TVP23C: variants seen among roughly 807,000 people sequenced by gnomAD.
TVP23C encodes the protein Golgi apparatus membrane protein TVP23 homolog C.
A neutral mutation model predicts 28.7 loss-of-function variants in TVP23C; 19 were observed. The observed-to-expected ratio is 0.66, with a 90% confidence interval of 0.46 to 0.97. The LOEUF (loss-of-function observed/expected upper bound fraction) is 0.97. Ranked by LOEUF, TVP23C falls within the 50% of genes least tolerant of loss-of-function variation. The pLI is 0.00. For synonymous variants in TVP23C, 68 were observed against 81.7 expected (o/e 0.83, Z 0.90); for missense variants, 186 against 241.3 (o/e 0.77, Z 1.52).
rs1042211364 is a variant in TVP23C, at chr17:15,507,171, C to A, written c.463-3939G>T. On this transcript the variant is annotated intron_variant, in intron 5 of 5. Transcript: ENST00000225576. ...CATCTTGTCCATGGCAAATGCAGGA[C>A]CCGATACAAACGGTTCCTAATTTTT... 4 of 755,804 alleles carry A rather than the reference C, an allele frequency of 5.3e-6. No individual in the cohort carries two copies. The African/African-American group carries it at 6.9e-5, about 13-fold the overall frequency. The allele number at this position is 755,804 out of a possible 1,614,324, so 46.8% of individuals were successfully genotyped here.
At chr17:15,508,999 T>A (rs1981890607) in intron 5 of TVP23C, among the ~76,000 whole-genome samples, 1 of 152,220 alleles carries the variant, frequency 6.6e-6, no homozygotes, top group Non-Finnish European at 1.5e-5. Context: ...TTTTGGGGTA[T>A]GTTTTAGATT....
At chr17:15,525,744 A>C (rs1323903701) in intron 5 of TVP23C, among the ~76,000 whole-genome samples, 1 of 152,200 alleles carries the variant, frequency 6.6e-6, no homozygotes, top group African/African-American at 2.4e-5. Context: ...AGACCCACAT[A>C]CAAAGGTGGT....
rs182885802 is a variant in TVP23C, at chr17:15,526,746, A to G, written c.462+19039T>C. On this transcript the variant is annotated intron_variant, in intron 5 of 5. Transcript: ENST00000225576. ...GGACCAAGTGCAAGCTACAAGCAAG[A>G]GAGAACTGGGGCTTGGGGAGAAAGG... Among the ~76,000 whole-genome samples, 920 of 152,334 alleles carry G rather than the reference A, an allele frequency of 6.0e-3. 8 individuals carry two copies. Among genetic ancestry groups the G allele is most frequent in the Non-Finnish European group, 8.5e-3 (575 of 68,020 alleles).
At chr17:15,530,464 T>C (rs1249299056) in intron 5 of TVP23C, among the ~76,000 whole-genome samples, 2 of 152,224 alleles carry the variant, frequency 1.3e-5, no homozygotes, top group African/African-American at 2.4e-5. Context: ...ATCATACAAA[T>C]TGCATCTTTT....
At chr17:15,542,607 A>G (rs150269286) in intron 5 of TVP23C, among the ~76,000 whole-genome samples, 2,818 of 152,030 alleles carry the variant, frequency 0.019, 86 homozygotes, top group African/African-American at 0.063. Context: ...CTCCCGAGTA[A>G]CTGGGACTAC....
At chr17:15,506,082 C>T (rs1474542546) in intron 5 of TVP23C, among the ~76,000 whole-genome samples, 1 of 152,258 alleles carries the variant, frequency 6.6e-6, no homozygotes, top group Non-Finnish European at 1.5e-5. Context: ...GAGCGCACGG[C>T]GCAGGACTGG....
At chr17:15,521,118 T>A (rs551228652) in intron 5 of TVP23C, among the ~76,000 whole-genome samples, 1 of 152,020 alleles carries the variant, frequency 6.6e-6, no homozygotes, top group South Asian at 2.1e-4. Context: ...ATTACAAAGA[T>A]GAGAATTCCC....
intron 3 of TVP23C, among the ~76,000 whole-genome samples, chr17:15,548,832 T>C (rs1216460214): frequency 6.6e-6 from 1 of 152,224 alleles, no homozygotes; most frequent in Non-Finnish European, 1.5e-5. Flanking sequence ...ATACCTATGA[T>C]AATGCTTAAT....
At chr17:15,503,061 C>T in exon 6 of TVP23C, 1 of 1,614,160 alleles carries the variant, frequency 6.2e-7, no homozygotes, top group Non-Finnish European at 8.5e-7. Flanking sequence ...CAGTAAAGAG[C>T]TCGATCCGTG....
chr17:15,527,095 T>C (rs1477357443), intron 5 of TVP23C, among the ~76,000 whole-genome samples: 2 of 152,154 alleles, frequency 1.3e-5, no homozygotes, highest in African/African-American at 2.4e-5. Flanking sequence ...AGGGAGATAA[T>C]AGCCACATCT....
At chr17:15,561,243 T>C (rs2150865038) in intron 1 of TVP23C, among the ~76,000 whole-genome samples, 1 of 152,172 alleles carries the variant, frequency 6.6e-6, no homozygotes, top group Admixed American at 6.5e-5. Flanking sequence ...GCTATGGAAA[T>C]GTAGAATGAC....
intron 5 of TVP23C, among the ~76,000 whole-genome samples, chr17:15,543,379 T>C (rs1359236078): frequency 1.2e-4 from 18 of 151,080 alleles, no homozygotes; most frequent in Admixed American, 3.3e-4. Context: ...AGTGCATTTA[T>C]GCAAAACTAT....
intron 1 of TVP23C, among the ~76,000 whole-genome samples, chr17:15,555,565 C>A (rs975761756): frequency 6.6e-6 from 1 of 152,188 alleles, no homozygotes; most frequent in African/African-American, 2.4e-5. Context: ...AGAGAATAAT[C>A]GAAGTCTCAG....
rs1374654975 is a variant in TVP23C, at chr17:15,557,732, A to C, written c.13-2368T>G. 1.4e-5 allele frequency among the ~76,000 whole-genome samples: 2 copies of C among 141,172 alleles called. 1 individual carries two copies. Among genetic ancestry groups the C allele is most frequent in the Non-Finnish European group, 3.1e-5 (2 of 63,560 alleles). The allele number at this position is 141,172 out of a possible 152,430, so 92.6% of individuals were successfully genotyped here. On this transcript the variant is annotated intron_variant, in intron 1 of 5. Transcript: ENST00000518321. ...ACAGCTGACTGTGATCAGGGCTGAGAAATCTAAGTGCAAATGGGAGCCAGG... is the reference window on the plus strand; with the variant it reads ...ACAGCTGACTGTGATCAGGGCTGAGCAATCTAAGTGCAAATGGGAGCCAGG...
At chr17:15,541,015 A>T (rs561932121) in intron 5 of TVP23C, among the ~76,000 whole-genome samples, 1,712 of 152,360 alleles carry the variant, frequency 0.011, 36 homozygotes, top group African/African-American at 0.039. Context: ...TCTCTGCTCT[A>T]CGTGACAACT....
intron 5 of TVP23C, among the ~76,000 whole-genome samples, chr17:15,523,646 C>T (rs1982583799): frequency 6.7e-6 from 1 of 150,296 alleles, no homozygotes; most frequent in South Asian, 2.1e-4. Flanking sequence ...GACAGTCTCA[C>T]TCTGTCACCC....
downstream of TVP23C, among the ~76,000 whole-genome samples, chr17:15,532,817 A>G (rs1376587958): frequency 6.6e-6 from 1 of 152,236 alleles, no homozygotes; most frequent in Non-Finnish European, 1.5e-5. Context: ...TTAAATTAAT[A>G]TAAGCAGCAT....
At chr17:15,518,051 C>T (rs1357089621) in intron 5 of TVP23C, among the ~76,000 whole-genome samples, 6 of 151,704 alleles carry the variant, frequency 4.0e-5, no homozygotes, top group Non-Finnish European at 8.8e-5. Context: ...GCCTGTAGTC[C>T]CAGCTACTTG....
chr17:15,519,635 G>A (rs1982385947), intron 5 of TVP23C, among the ~76,000 whole-genome samples: 1 of 152,172 alleles, frequency 6.6e-6, no homozygotes, highest in East Asian at 1.9e-4. Flanking sequence ...TGGTGGCCAG[G>A]CGCGGTGGCT....
Sources: gnomAD v4.1 joint callset for allele counts (sites outside exome capture counted in the v4.1 genomes callset) on GRCh38, gnomAD v4.1.1 for gene constraint, MANE v1.5 for transcripts, NCBI Gene and HGNC (gene_info 2026-07-23, HGNC 2026-07-21) for gene names.